Variants in SPIRE1 observed in about 807,000 individuals in gnomAD.
The protein encoded by SPIRE1 is spire type actin nucleation factor 1.
In SPIRE1, 40 loss-of-function variants were observed where a neutral mutation model predicts 94.1. That is an observed-to-expected ratio of 0.43 (90% CI 0.33 to 0.55). The LOEUF (loss-of-function observed/expected upper bound fraction) is 0.55. SPIRE1 is among the 20% of genes least tolerant of loss of function. SPIRE1 has a pLI of 0.06. For missense variants in SPIRE1, 838 were observed against 975.2 expected (o/e 0.86, Z 1.87); for synonymous variants, 376 against 371.7 (o/e 1.01, Z -0.13).
At chr18:12,650,104 C>T (rs916766882) in intron 1 of SPIRE1, among the ~76,000 whole-genome samples, 7 of 152,088 alleles carry the variant, frequency 4.6e-5, no homozygotes, top group South Asian at 2.1e-4. Flanking sequence ...CCAGGCGCAG[C>T]GGCATGTGCA....
chr18:12,578,257 T>C (rs1363233463), intron 2 of SPIRE1, among the ~76,000 whole-genome samples: 6 of 152,244 alleles, frequency 3.9e-5, no homozygotes, highest in Non-Finnish European at 7.3e-5. Flanking sequence ...TAAATGCTCA[T>C]AGCAGCTTTA....
At chr18:12,539,883 C>T (rs2034962714) in intron 3 of SPIRE1, among the ~76,000 whole-genome samples, 2 of 148,328 alleles carry the variant, frequency 1.3e-5, no homozygotes, top group South Asian at 2.1e-4. Flanking sequence ...GCCGAGATCA[C>T]GCCACTGCAC....
chr18:12,644,998 T>C (rs1239333708), intron 1 of SPIRE1, among the ~76,000 whole-genome samples: 2 of 151,848 alleles, frequency 1.3e-5, no homozygotes, highest in East Asian at 1.9e-4. Flanking sequence ...GTAACCCCAG[T>C]ACTTTGGGAG....
At chr18:12,577,839 T>C (rs965237983) in intron 2 of SPIRE1, among the ~76,000 whole-genome samples, 4 of 152,060 alleles carry the variant, frequency 2.6e-5, no homozygotes, top group Admixed American at 2.6e-4. Context: ...GAGTCTAGAA[T>C]GTATTTTTTA....
At chr18:12,576,289 A>T (rs1421452382) in intron 2 of SPIRE1, among the ~76,000 whole-genome samples, 1 of 152,132 alleles carries the variant, frequency 6.6e-6, no homozygotes, top group Non-Finnish European at 1.5e-5. Flanking sequence ...TGGATGACTT[A>T]CACTACCTAA....
At chr18:12,615,341 A>ATATATATATAT (rs1555632314) in intron 2 of SPIRE1, among the ~76,000 whole-genome samples, 1 of 39,320 alleles carries the variant, frequency 2.5e-5, no homozygotes, top group Non-Finnish European at 8.3e-5. Flanking sequence ...AAAAAAAAAA[A>ATATATATATAT]AAAAATATAT....
chr18:12,584,297 G>A (rs2036334361), intron 2 of SPIRE1, among the ~76,000 whole-genome samples: 1 of 151,954 alleles, frequency 6.6e-6, no homozygotes, highest in South Asian at 2.1e-4. Context: ...GGGCATGGTG[G>A]TGCACGCCTG....
chr18:12,577,948 T>C (rs1312403125), intron 2 of SPIRE1, among the ~76,000 whole-genome samples: 2 of 152,212 alleles, frequency 1.3e-5, no homozygotes, highest in African/African-American at 2.4e-5. Context: ...CTTATAAGCA[T>C]GTGAATAAAT....
intron 2 of SPIRE1, among the ~76,000 whole-genome samples, chr18:12,629,059 G>A (rs369303279): frequency 6.3e-4 from 96 of 152,264 alleles, no homozygotes; most frequent in African/African-American, 2.1e-3. Context: ...TTAAAGTAAT[G>A]ATAAAAGTTC....
At chr18:12,471,143 A>G (rs956312697) in intron 10 of SPIRE1, among the ~76,000 whole-genome samples, 1 of 151,670 alleles carries the variant, frequency 6.6e-6, no homozygotes, top group Non-Finnish European at 1.5e-5. Context: ...ATAGGCTAGC[A>G]AAGGTTATTA....
At chr18:12,572,681 G>C (rs1259645579) in intron 2 of SPIRE1, among the ~76,000 whole-genome samples, 14 of 152,134 alleles carry the variant, frequency 9.2e-5, no homozygotes, top group Non-Finnish European at 1.5e-5. Context: ...CAAAAGAAAT[G>C]ATAAAATAGA....
At chr18:12,523,509 C>G (rs1175397768) in intron 4 of SPIRE1, among the ~76,000 whole-genome samples, 1 of 152,126 alleles carries the variant, frequency 6.6e-6, no homozygotes, top group African/African-American at 2.4e-5. Flanking sequence ...GCACTGTATG[C>G]TACAATGTAT....
At chr18:12,659,195 C>G (rs142815682), upstream of SPIRE1, among the ~76,000 whole-genome samples, 221 of 152,246 alleles carry the variant, frequency 1.5e-3, no homozygotes, top group African/African-American at 5.1e-3. Context: ...TTCCAGTAAA[C>G]CTTTTACGGC....
At chr18:12,501,632 T>C (rs928406599) in intron 6 of SPIRE1, among the ~76,000 whole-genome samples, 8 of 152,156 alleles carry the variant, frequency 5.3e-5, no homozygotes, top group African/African-American at 1.9e-4. Context: ...TCCGCACGCC[T>C]CGGCCTCCCA....
chr18:12,655,770 T>G (rs2038521495), intron 1 of SPIRE1, among the ~76,000 whole-genome samples: 2 of 152,162 alleles, frequency 1.3e-5, no homozygotes, highest in South Asian at 4.1e-4. Context: ...TGGGATTAAA[T>G]TTAAGTGACA....
intron 2 of SPIRE1, among the ~76,000 whole-genome samples, chr18:12,609,942 G>GA (rs1480745519): frequency 1.3e-5 from 2 of 151,874 alleles, no homozygotes; most frequent in Non-Finnish European, 2.9e-5. Flanking sequence ...GACTAAACCT[G>GA]AATCTCCTCA....
chr18:12,508,291 A>G (rs1367134304), intron 5 of SPIRE1, among the ~76,000 whole-genome samples: 2 of 152,224 alleles, frequency 1.3e-5, no homozygotes, highest in African/African-American at 4.8e-5. Flanking sequence ...ACGATTCATA[A>G]TTTTAAAAAA....
intron 8 of SPIRE1, among the ~76,000 whole-genome samples, 159 bp from the exon 9 acceptor site, chr18:12,486,159 A>C (rs533683): frequency 0.13 from 19,155 of 152,196 alleles, 2,579 homozygotes; most frequent in African/African-American, 0.34. Context: ...AAATACATTA[A>C]AACCATGCAA....
At chr18:12,634,588 T>C (rs1411982984) in intron 2 of SPIRE1, among the ~76,000 whole-genome samples, 1 of 152,154 alleles carries the variant, frequency 6.6e-6, no homozygotes, top group Non-Finnish European at 1.5e-5. Context: ...AGGCAAGTAA[T>C]TTTTCTTCAC....
Sources: allele counts gnomAD v4.1 joint callset (sites outside exome capture counted in the v4.1 genomes callset), GRCh38; gene constraint gnomAD v4.1.1; transcripts MANE v1.5; gene names NCBI Gene and HGNC (gene_info 2026-07-23, HGNC 2026-07-21).